The following GALNTL5 variants were observed in gnomAD, a reference collection of about 807,000 sequenced individuals.
GALNTL5 encodes the protein polypeptide N-acetylgalactosaminyltransferase like 5.
GALNTL5 carries 44 observed loss-of-function variants against 51.0 expected under a neutral mutation model. The observed-to-expected ratio is 0.86, with a 90% confidence interval of 0.68 to 1.11. GALNTL5 has a LOEUF of 1.11. Among genes scored for constraint, GALNTL5 ranks in the 50% least tolerant of loss-of-function variants. The probability of loss-of-function intolerance (pLI) is 0.00; values close to 1 mark genes in which losing one functional copy is unlikely to be tolerated. For synonymous variants in GALNTL5, 192 were observed against 182.8 expected (o/e 1.05, Z -0.41); for missense variants, 528 against 531.8 (o/e 0.99, Z 0.07).
chr7:151,990,040 T>C (rs1029626456), intron 5 of GALNTL5, among the ~76,000 whole-genome samples: 1 of 151,946 alleles, frequency 6.6e-6, no homozygotes, highest in Non-Finnish European at 1.5e-5. Flanking sequence ...TTGAGCAGAA[T>C]TTTATTTATT....
At chr7:151,958,776 C>G (rs2080957324) in intron 1 of GALNTL5, among the ~76,000 whole-genome samples, 1 of 152,150 alleles carries the variant, frequency 6.6e-6, no homozygotes, top group Admixed American at 6.5e-5. Context: ...GTCCTGCGTC[C>G]AAGAAGAATG....
intron 6 of GALNTL5, among the ~76,000 whole-genome samples, chr7:152,006,789 G>A (rs1224909853): frequency 2.6e-5 from 4 of 151,726 alleles, no homozygotes; most frequent in Non-Finnish European, 4.4e-5. Flanking sequence ...TTTTGGGGGG[G>A]GCGGGACAGA....
chr7:152,004,315 T>A (rs7778323), intron 6 of GALNTL5, among the ~76,000 whole-genome samples: 8,271 of 150,404 alleles, frequency 0.055, 721 homozygotes, highest in African/African-American at 0.19. Context: ...AATATGTACC[T>A]ATTATATGTA....
rs572545844 is a variant in GALNTL5, at chr7:152,004,312, A to G, written c.908+1349A>G. On this transcript the variant is annotated intron_variant, in intron 6 of 8. Transcript: ENST00000392800. ...TATACCTTTGTGTGATTAAATATGT[A>G]CCTATTATATGTAATATATATTATA... is the stretch of plus-strand genomic sequence containing the variant. Among the ~76,000 whole-genome samples the G allele has an allele frequency of 3.3e-5, 5 of 150,582 alleles. No individual in the cohort carries two copies. In the East Asian group the frequency reaches 9.7e-4, roughly 29 times the overall value.
Position 151,987,191 on chromosome 7 carries a change from G to C in GALNTL5, c.568G>C (p.Glu190Gln), listed in dbSNP as rs769015080. 1.9e-6 allele frequency: 3 copies of C among 1,596,398 alleles called. No individual in the cohort carries two copies. In the African/African-American group the frequency reaches 4.1e-5, roughly 22 times the overall value. ...DLKEKLDYHL[E>Q]TFRGKVKIIR... Reference sequence around the variant, plus strand: ...GAAAGAAAAACTAGACTATCACCTGGAAACTTTTCGGGGAAAGGTTAAAAT... The same window carrying C: ...GAAAGAAAAACTAGACTATCACCTGCAAACTTTTCGGGGAAAGGTTAAAAT... The change falls in exon 5 of 9, where the codon GAA (glutamate) becomes CAA (glutamine). Residue 190 changes from glutamate (E) to glutamine (Q), a missense_variant. Coordinates refer to ENST00000392800, the MANE Select transcript of GALNTL5 (RefSeq NM_145292.4).
At chr7:151,980,506 G>A (rs913002598) in intron 3 of GALNTL5, among the ~76,000 whole-genome samples, 9 of 151,968 alleles carry the variant, frequency 5.9e-5, no homozygotes, top group Non-Finnish European at 8.8e-5. Flanking sequence ...CCTGTCCCTC[G>A]GACTCTCCAT....
intron 8 of GALNTL5, among the ~76,000 whole-genome samples, chr7:152,018,371 T>C (rs1467979889): frequency 1.3e-5 from 2 of 152,368 alleles, no homozygotes; most frequent in East Asian, 3.9e-4. Flanking sequence ...TTTGTTTGTT[T>C]GTTTTAATCA....
rs150728176 is a variant in GALNTL5 at position 152,007,834 on chromosome 7, G to A, written c.916G>A (p.Ala306Thr). Residue 306 changes from alanine to threonine, a missense_variant, in exon 7 of 9, where the codon GCA (alanine) becomes ACA (threonine). By Grantham distance (58) the Ala-to-Thr change is moderately conservative. Coordinates refer to ENST00000392800, the MANE Select transcript of GALNTL5 (RefSeq NM_145292.4). ...EGSTKPIRSPAMSGGIFAIRR... is the reference protein window; with the variant it reads ...EGSTKPIRSPTMSGGIFAIRR... The stretch of plus-strand genomic sequence containing the variant: ...TTTATGTCCCCTTTCTAGGTCACCT[G>A]CAATGTCTGGAGGAATTTTTGCTAT... 1 of 1,584,826 alleles carries A rather than the reference G, an allele frequency of 6.3e-7. No individual in the cohort carries two copies. The highest frequency in any genetic ancestry group is 8.7e-7 in the Non-Finnish European group (1 of 1,153,690).
At chr7:151,966,651 C>T (rs2151938683) in intron 1 of GALNTL5, among the ~76,000 whole-genome samples, 1 of 152,304 alleles carries the variant, frequency 6.6e-6, no homozygotes, top group South Asian at 2.1e-4. Context: ...TAGATGAGAG[C>T]TGCAACTTAT....
chr7:151,993,723 G>T (rs10155919), intron 5 of GALNTL5, among the ~76,000 whole-genome samples: 141,689 of 152,030 alleles, frequency 0.93, 66,764 homozygotes, highest in East Asian at 1. Context: ...GGGGTCAAGT[G>T]ATCCTCCCAC....
At chr7:151,983,679 C>T (rs1035292414) in intron 4 of GALNTL5, among the ~76,000 whole-genome samples, 1 of 152,002 alleles carries the variant, frequency 6.6e-6, no homozygotes, top group Non-Finnish European at 1.5e-5. Context: ...ATAGGGGCAC[C>T]GGCCACATCC....
At chr7:152,000,103 A>C (rs1221863345) in intron 5 of GALNTL5, among the ~76,000 whole-genome samples, 1 of 152,254 alleles carries the variant, frequency 6.6e-6, no homozygotes, top group Non-Finnish European at 1.5e-5. Flanking sequence ...AACTAATGTT[A>C]GTTTTCTGCC....
At chr7:152,000,308 A>G (rs1029504915) in intron 5 of GALNTL5, among the ~76,000 whole-genome samples, 2 of 152,240 alleles carry the variant, frequency 1.3e-5, no homozygotes, top group Non-Finnish European at 2.9e-5. Context: ...GAGACAGAAC[A>G]CAGGATCTTA....
intron 6 of GALNTL5, among the ~76,000 whole-genome samples, chr7:152,006,667 C>T (rs1431273739): frequency 6.6e-6 from 1 of 152,232 alleles, no homozygotes; most frequent in Non-Finnish European, 1.5e-5. Context: ...TTCCCCTACA[C>T]ATGGGTCTTG....
chr7:152,000,574 C>T (rs2081562350), intron 5 of GALNTL5, among the ~76,000 whole-genome samples: 1 of 152,186 alleles, frequency 6.6e-6, no homozygotes, highest in South Asian at 2.1e-4. Flanking sequence ...ACCACCTCCC[C>T]AACACTTGCT....
chr7:152,009,579 G>C (rs889768839), intron 7 of GALNTL5, among the ~76,000 whole-genome samples: 5 of 152,054 alleles, frequency 3.3e-5, no homozygotes. Context: ...TGCTCTTCAG[G>C]GCTCAGGGCT....
chr7:151,985,470 G>A (rs1394245458), intron 4 of GALNTL5, among the ~76,000 whole-genome samples: 3 of 152,198 alleles, frequency 2.0e-5, no homozygotes, highest in African/African-American at 7.2e-5. Flanking sequence ...ACTTCATCAT[G>A]GGTTTAAGGA....
At chr7:152,010,035 G>A (rs894608118) in intron 7 of GALNTL5, among the ~76,000 whole-genome samples, 6 of 152,176 alleles carry the variant, frequency 3.9e-5, no homozygotes, top group African/African-American at 1.4e-4. Flanking sequence ...ATTCATCCAT[G>A]CAACAATATG....
chr7:151,963,562 T>C (rs1483232449), intron 1 of GALNTL5, among the ~76,000 whole-genome samples: 2 of 152,192 alleles, frequency 1.3e-5, no homozygotes, highest in African/African-American at 4.8e-5. Flanking sequence ...CATGCCCAGC[T>C]AATCTTTGTA....
Sources: allele counts gnomAD v4.1 joint callset (sites outside exome capture counted in the v4.1 genomes callset), GRCh38; gene constraint gnomAD v4.1.1; transcripts MANE v1.5; gene names NCBI Gene and HGNC (gene_info 2026-07-23, HGNC 2026-07-21).